PPP2R2B: variants seen among roughly 807,000 people sequenced by gnomAD.
PPP2R2B encodes the protein protein phosphatase 2 regulatory subunit Bbeta.
In PPP2R2B, 5 loss-of-function variants were observed where a neutral mutation model predicts 46.0. The ratio of observed to expected loss-of-function variants is 0.11; its 90% CI spans 0.06 to 0.23. The LOEUF is 0.23. Among genes scored for constraint, PPP2R2B ranks in the 10% least tolerant of loss-of-function variants. PPP2R2B has a pLI of 1.00. For synonymous variants in PPP2R2B, 215 were observed against 206.7 expected, an observed-to-expected ratio of 1.04 and a Z score of -0.34; for missense variants, 367 against 575.0, an observed-to-expected ratio of 0.64 and a Z score of 3.70.
intron 7 of PPP2R2B, among the ~76,000 whole-genome samples, chr5:146,603,492 A>G (rs757494472): frequency 1.1e-4 from 17 of 152,242 alleles, no homozygotes; most frequent in Non-Finnish European, 1.8e-4. Flanking sequence ...GTGAAATGAA[A>G]GATGACAATT....
At chr5:146,766,108 G>C (rs1754461210) in intron 2 of PPP2R2B, among the ~76,000 whole-genome samples, 1 of 152,108 alleles carries the variant, frequency 6.6e-6, no homozygotes, top group Non-Finnish European at 1.5e-5. Context: ...CTCTTGAAAA[G>C]CCCTCATTAT....
At chr5:146,657,607 G>C (rs1776418289) in intron 5 of PPP2R2B, among the ~76,000 whole-genome samples, 1 of 152,078 alleles carries the variant, frequency 6.6e-6, no homozygotes, top group Non-Finnish European at 1.5e-5. Flanking sequence ...TTTTGCAAAA[G>C]AAAGATATAG....
At chr5:146,961,535 T>C (rs1033420119) in intron 1 of PPP2R2B, among the ~76,000 whole-genome samples, 2 of 152,234 alleles carry the variant, frequency 1.3e-5, no homozygotes, top group African/African-American at 4.8e-5. Context: ...AATATTTTGT[T>C]CCTTTAATTA....
intron 1 of PPP2R2B, among the ~76,000 whole-genome samples, chr5:146,919,161 T>A (rs1187047017): frequency 1.3e-5 from 2 of 152,220 alleles, no homozygotes. Flanking sequence ...CAAAGACTGA[T>A]GTCAAAACCC....
At chr5:146,992,151 T>C (rs1214939996) in intron 1 of PPP2R2B, among the ~76,000 whole-genome samples, 1 of 152,188 alleles carries the variant, frequency 6.6e-6, no homozygotes, top group Non-Finnish European at 1.5e-5. Context: ...CAAAACAGCA[T>C]GGTACTGGCA....
intron 2 of PPP2R2B, among the ~76,000 whole-genome samples, chr5:146,804,702 A>G (rs1757071269): frequency 6.6e-6 from 1 of 152,186 alleles, no homozygotes; most frequent in Non-Finnish European, 1.5e-5. Context: ...TGATATTATT[A>G]TATATTAGAC....
At chr5:146,728,088 CTT>C (rs2151201908) in intron 2 of PPP2R2B, among the ~76,000 whole-genome samples, 1 of 146,012 alleles carries the variant, frequency 6.8e-6, no homozygotes, top group Admixed American at 7.0e-5. Flanking sequence ...AACTCACTCA[CTT>C]TAAAAAACTT....
intron 1 of PPP2R2B, among the ~76,000 whole-genome samples, chr5:147,039,871 T>C (rs1756213584): frequency 6.6e-6 from 1 of 152,146 alleles, no homozygotes; most frequent in Admixed American, 6.5e-5. Flanking sequence ...ACATAGTAGG[T>C]GCTCAAGTAA....
intron 2 of PPP2R2B, among the ~76,000 whole-genome samples, chr5:146,874,401 G>T (rs1761782161): frequency 6.6e-6 from 1 of 152,142 alleles, no homozygotes; most frequent in Admixed American, 6.5e-5. Flanking sequence ...TTTTTAAAAA[G>T]GCTTCTGAGG....
chr5:146,907,628 G>GT (rs1156472870), intron 1 of PPP2R2B, among the ~76,000 whole-genome samples: 2 of 152,222 alleles, frequency 1.3e-5, no homozygotes, highest in African/African-American at 4.8e-5. Context: ...GCCTCACACT[G>GT]TTTAAGTTCT....
intron 2 of PPP2R2B, among the ~76,000 whole-genome samples, chr5:146,725,045 T>C (rs1242807985): frequency 2.0e-5 from 3 of 150,142 alleles, no homozygotes; most frequent in Non-Finnish European, 4.4e-5. Flanking sequence ...CTTCTATTAA[T>C]GCGATCAATA....
intron 5 of PPP2R2B, among the ~76,000 whole-genome samples, chr5:146,683,999 A>G (rs896937002): frequency 1.3e-5 from 2 of 152,230 alleles, no homozygotes. Flanking sequence ...GCGAAGGTTG[A>G]GAAATTACCC....
At chr5:146,810,885 C>T (rs1418685330) in intron 2 of PPP2R2B, among the ~76,000 whole-genome samples, 1 of 132,952 alleles carries the variant, frequency 7.5e-6, no homozygotes, top group Non-Finnish European at 1.6e-5. Context: ...CCCCCCACCC[C>T]ACAACAGGCC....
At chr5:146,721,140 T>A (rs1780774295) in intron 2 of PPP2R2B, among the ~76,000 whole-genome samples, 1 of 152,164 alleles carries the variant, frequency 6.6e-6, no homozygotes, top group African/African-American at 2.4e-5. Context: ...ACATGAAGGG[T>A]TAACTTGACA....
chr5:146,640,306 C>T (rs997862697), intron 6 of PPP2R2B, among the ~76,000 whole-genome samples: 1 of 152,230 alleles, frequency 6.6e-6, no homozygotes. Context: ...TTACTTGGGT[C>T]TCCGGGGCAT....
intron 1 of PPP2R2B, among the ~76,000 whole-genome samples, chr5:147,010,802 A>C (rs974478911): frequency 2.6e-5 from 4 of 151,984 alleles, no homozygotes; most frequent in African/African-American, 9.7e-5. Flanking sequence ...TGTGTCTCAC[A>C]CTTACTCCAT....
intron 4 of PPP2R2B, 53 bp downstream of exon 4, chr5:146,697,926 A>G (rs1294897077): frequency 4.6e-6 from 7 of 1,521,264 alleles, no homozygotes; most frequent in Non-Finnish European, 5.4e-6. Flanking sequence ...AGATTGAAGT[A>G]TATAGTTTGG....
chr5:146,703,118 C>T (rs1779641209), intron 2 of PPP2R2B, among the ~76,000 whole-genome samples: 1 of 152,174 alleles, frequency 6.6e-6, no homozygotes, highest in South Asian at 2.1e-4. Context: ...CTTGAAAGTA[C>T]CAGTGCTAAG....
At chr5:146,632,368 T>A (rs1238505658) in intron 7 of PPP2R2B, among the ~76,000 whole-genome samples, 1 of 152,206 alleles carries the variant, frequency 6.6e-6, no homozygotes. Context: ...GCTTCCAGCC[T>A]CCAGAACTTT....
Sources: allele counts gnomAD v4.1 joint callset (sites outside exome capture counted in the v4.1 genomes callset), GRCh38; gene constraint gnomAD v4.1.1; transcripts MANE v1.5; gene names NCBI Gene and HGNC (gene_info 2026-07-23, HGNC 2026-07-21).